OTC: variants seen among roughly 807,000 people sequenced by gnomAD.
OTC encodes ornithine transcarbamylase, mitochondrial.
Under a neutral mutation model 30.3 loss-of-function variants are expected in OTC, and 3 were observed. That is an observed-to-expected ratio of 0.10 (90% CI 0.05 to 0.26). OTC has a LOEUF of 0.26. Ranked by LOEUF, OTC falls within the 10% of genes least tolerant of loss-of-function variation. OTC has a pLI of 1.00. For missense variants in OTC, 194 were observed against 260.3 expected, an observed-to-expected ratio of 0.75 and a Z score of 1.75; for synonymous variants, 111 against 99.7, an observed-to-expected ratio of 1.11 and a Z score of -0.67.
the OTC span, among the ~76,000 whole-genome samples, chrX:38,340,181 T>A: frequency 9.0e-6 from 1 of 111,101 alleles, no homozygotes; most frequent in African/African-American, 3.3e-5. Flanking sequence ...GAATCCTAGG[T>A]CGAGAATATG....
intron 6 of OTC, 99 bp downstream of exon 6, chrX:38,403,839 C>A: frequency 1.1e-6 from 1 of 938,727 alleles, no homozygotes; most frequent in Non-Finnish European, 1.5e-6. Flanking sequence ...TTAAGTATAG[C>A]ACAGGTGAGG....
the OTC span, among the ~76,000 whole-genome samples, chrX:38,341,026 G>T: frequency 9.0e-6 from 1 of 111,572 alleles, no homozygotes; most frequent in Non-Finnish European, 1.9e-5. Flanking sequence ...TTGAACTCCT[G>T]ACCTCAAGTG....
At position 38,401,389 on chromosome X, in the gene OTC, C is replaced by T. The variant is rs66564822; in HGVS notation, c.501C>T (p.Tyr167=). 1.7e-6 allele frequency: 2 copies of T among 1,206,727 alleles called. No homozygotes were observed. Among genetic ancestry groups the T allele is most frequent in the South Asian group, 1.8e-5 (1 of 56,855 alleles). The change falls in exon 5 of 10, where the codon TAC becomes TAT. Residue 167 remains tyrosine (Y), a synonymous_variant. Coordinates refer to ENST00000039007, the MANE Select transcript of OTC (RefSeq NM_000531.6). ...TTATCAATGGGCTGTCAGATTTGTA[C>T]CATCCTATCCAGATCCTGGCTGATT... ...IPIINGLSDL[Y]HPIQILADYL...
At chrX:38,335,186 G>A in the OTC span, among the ~76,000 whole-genome samples, 10 of 111,956 alleles carry the variant, frequency 8.9e-5, no homozygotes. Context: ...TTTGACTACA[G>A]GCTTTATCAC....
At position 38,385,115 on chromosome X, in the gene OTC, CAA is replaced by C. The variant is rs756529810; in HGVS notation, c.386+3690_386+3691del. ...CGAAACCCCATCTCTACTAAAAATA[CAA>C]AAATTAGCTGGGTGTGGTGGCGGGC... On this transcript the variant is annotated intron_variant, in intron 4 of 9. Coordinates refer to ENST00000039007, the MANE Select transcript of OTC (RefSeq NM_000531.6). 3.1e-3 allele frequency among the ~76,000 whole-genome samples: 343 copies of C among 110,763 alleles called. 1 individual carries two copies. Among genetic ancestry groups the C allele is most frequent in the African/African-American group, 0.011 (325 of 30,423 alleles).
intron 4 of OTC, among the ~76,000 whole-genome samples, chrX:38,385,382 A>T (rs1309117217): frequency 8.9e-6 from 1 of 112,774 alleles, no homozygotes; most frequent in Non-Finnish European, 1.9e-5. Context: ...AAGCATGAAT[A>T]GAAGAGCAGG....
At chrX:38,361,088 G>C (rs2068269057) in intron 1 of OTC, among the ~76,000 whole-genome samples, 1 of 111,946 alleles carries the variant, frequency 8.9e-6, no homozygotes, top group Admixed American at 9.5e-5. Context: ...TGGATCACCT[G>C]AGGTCAGGAG....
the OTC span, among the ~76,000 whole-genome samples, chrX:38,328,804 T>C: frequency 8.9e-6 from 1 of 112,057 alleles, no homozygotes; most frequent in Non-Finnish European, 1.9e-5. Context: ...TCAGAGGCTA[T>C]TGCAGAATTT....
At chrX:38,367,092 C>T (rs748345373) in intron 1 of OTC, among the ~76,000 whole-genome samples, 199 bp from the exon 2 acceptor site, 1 of 108,289 alleles carries the variant, frequency 9.2e-6, no homozygotes, top group Admixed American at 1.0e-4. Flanking sequence ...GCAGGAGAAT[C>T]GCTTGAACCT....
rs140046498 is a variant in OTC at position 38,381,428 on chromosome X, C to T, written c.385C>T (p.Arg129Cys). The change falls in exon 4 of 10, where the codon CGT becomes TGT. Residue 129 changes from arginine to cysteine, a missense_variant and splice_region_variant. Transcript: ENST00000039007. Reference sequence around the variant, plus strand: ...GAATGAAAGTCTCACGGACACGGCCCGGTTTGTAAATATTTTCTTCTCTCC... The same window carrying T: ...GAATGAAAGTCTCACGGACACGGCCTGGTTTGTAAATATTTTCTTCTCTCC... ...GVNESLTDTA[R>C]VLSSMADAVL... is the part of the protein sequence containing the mutation. 8.1e-5 allele frequency: 94 copies of T among 1,162,102 alleles called. No homozygotes were observed. Among genetic ancestry groups the T allele is most frequent in the African/African-American group, 2.7e-4 (15 of 56,051 alleles).
intron 6 of OTC, among the ~76,000 whole-genome samples, chrX:38,406,171 T>G (rs1035566259): frequency 7.2e-5 from 8 of 111,880 alleles, no homozygotes; most frequent in Admixed American, 6.7e-4. Flanking sequence ...AGTCATTCCA[T>G]CAATTTGTAA....
At chrX:38,336,545 AAGAG>A in the OTC span, among the ~76,000 whole-genome samples, 620 of 110,108 alleles carry the variant, frequency 5.6e-3, 5 homozygotes, top group African/African-American at 0.019. Flanking sequence ...AAATAAAAAA[AAGAG>A]AGAGATCAAG....
At chrX:38,331,566 G>A in the OTC span, among the ~76,000 whole-genome samples, 1 of 106,067 alleles carries the variant, frequency 9.4e-6, no homozygotes, top group South Asian at 4.3e-4. Flanking sequence ...TTATAGGCGT[G>A]AGCCACCACG....
Position 38,421,010 on chromosome X carries a change from G to A in OTC, c.1006-13G>A. The A allele has an allele frequency of 8.5e-7, 1 of 1,183,177 alleles. No individual in the cohort carries two copies. Among genetic ancestry groups the A allele is most frequent in the South Asian group, 1.8e-5 (1 of 56,334 alleles). On this transcript the variant is annotated splice_polypyrimidine_tract_variant and intron_variant, in intron 9 of 9. Transcript: ENST00000039007. ...TGTTTATCCATTTCTTTCTTTCTTT[G>A]TTGTGTCATCAGGCTGTCATGGTGT...
chrX:38,381,417 C>T lies in OTC; in HGVS notation c.374C>T (p.Thr125Met), dbSNP rs72554356. The T allele has an allele frequency of 1.5e-5, 18 of 1,175,056 alleles. No individual in the cohort carries two copies. Among genetic ancestry groups the T allele is most frequent in the South Asian group, 3.6e-5 (2 of 55,925 alleles). Residue 125 changes from threonine (T) to methionine (M), a missense_variant, in exon 4 of 10, where the codon ACG becomes ATG. Thr to Met is a moderately conservative substitution (Grantham distance 81). Transcript: ENST00000039007. ...CATTTGGGTGTGAATGAAAGTCTCA[C>T]GGACACGGCCCGGTTTGTAAATATT... ...DIHLGVNESLTDTARVLSSMA... is the reference protein window; with the variant it reads ...DIHLGVNESLMDTARVLSSMA...
At chrX:38,357,020 A>T (rs1035073297) in intron 1 of OTC, among the ~76,000 whole-genome samples, 1 of 111,496 alleles carries the variant, frequency 9.0e-6, no homozygotes, top group Non-Finnish European at 1.9e-5. Flanking sequence ...TGAGAAGGAA[A>T]GAAAGGGATA....
chrX:38,357,451 G>A (rs1203852031), intron 1 of OTC, among the ~76,000 whole-genome samples: 1 of 112,755 alleles, frequency 8.9e-6, no homozygotes, highest in Non-Finnish European at 1.9e-5. Flanking sequence ...AAGGCCCATT[G>A]GCCCCCTCTT....
intron 4 of OTC, among the ~76,000 whole-genome samples, chrX:38,399,707 A>G (rs924058148): frequency 2.7e-5 from 3 of 111,280 alleles, no homozygotes; most frequent in African/African-American, 9.8e-5. Flanking sequence ...AGATCACGCC[A>G]CTGCCCTCCA....
intron 8 of OTC, among the ~76,000 whole-genome samples, chrX:38,409,487 G>A (rs757065335): frequency 8.9e-6 from 1 of 112,546 alleles, no homozygotes; most frequent in South Asian, 3.7e-4. Context: ...CTGTTTGGCT[G>A]TCTTCCAGTA....
Sources: allele counts gnomAD v4.1 joint callset (sites outside exome capture counted in the v4.1 genomes callset), GRCh38; gene constraint gnomAD v4.1.1; transcripts MANE v1.5; gene names NCBI Gene and HGNC (gene_info 2026-07-23, HGNC 2026-07-21).